The following WWTR1 variants were observed in gnomAD, a reference collection of about 807,000 sequenced individuals.
WWTR1 encodes the protein WW domain-containing transcription regulator protein 1.
WWTR1 carries 13 observed loss-of-function variants against 40.1 expected under a neutral mutation model. The observed-to-expected ratio is 0.32, with a 90% CI of 0.21 to 0.52. The LOEUF (loss-of-function observed/expected upper bound fraction) is 0.52, where lower values mean the gene tolerates loss of function less well. Among genes scored for constraint, WWTR1 ranks in the 20% least tolerant of loss-of-function variants. WWTR1 has a pLI of 0.97. For synonymous variants in WWTR1, 230 were observed against 210.1 expected, an observed-to-expected ratio of 1.09 and a Z score of -0.82; for missense variants, 436 against 523.1, an observed-to-expected ratio of 0.83 and a Z score of 1.63.
At chr3:149,605,246 A>C (rs1041001767) in intron 2 of WWTR1, among the ~76,000 whole-genome samples, 1 of 152,184 alleles carries the variant, frequency 6.6e-6, no homozygotes, top group Admixed American at 6.5e-5. Flanking sequence ...TCTTTTTAGA[A>C]AATCACTTTG....
At chr3:149,654,048 T>C (rs1208574799) in intron 2 of WWTR1, among the ~76,000 whole-genome samples, 1 of 151,916 alleles carries the variant, frequency 6.6e-6, no homozygotes, top group African/African-American at 2.4e-5. Context: ...GGCAGGAGAA[T>C]CACTTGAGTA....
At chr3:149,620,857 C>A (rs937947519) in intron 2 of WWTR1, among the ~76,000 whole-genome samples, 7 of 152,196 alleles carry the variant, frequency 4.6e-5, no homozygotes, top group Non-Finnish European at 7.3e-5. Flanking sequence ...ACACATCAGC[C>A]TTTACACAAG....
At chr3:149,612,537 TA>T (rs958041121) in intron 2 of WWTR1, among the ~76,000 whole-genome samples, 5 of 152,168 alleles carry the variant, frequency 3.3e-5, no homozygotes, top group African/African-American at 1.2e-4. Flanking sequence ...ATGAGTCCCT[TA>T]AAAGCCCCTG....
chr3:149,649,529 T>C (rs1712725707), intron 2 of WWTR1, among the ~76,000 whole-genome samples: 1 of 152,248 alleles, frequency 6.6e-6, no homozygotes. Flanking sequence ...ATCTTTTCCT[T>C]TCTTATTTAT....
At chr3:149,531,464 T>A (rs1735579660) in intron 4 of WWTR1, among the ~76,000 whole-genome samples, 1 of 152,050 alleles carries the variant, frequency 6.6e-6, no homozygotes, top group African/African-American at 2.4e-5. Flanking sequence ...ACACCCTGCA[T>A]AACAGCCCTG....
At chr3:149,724,480 C>T (rs1378097925) in intron 3 of WWTR1, among the ~76,000 whole-genome samples, 34 of 140,844 alleles carry the variant, frequency 2.4e-4, no homozygotes. Context: ...ATACCGTCCA[C>T]CCTACCCCCC....
At chr3:149,682,132 C>T (rs1485219649) in intron 1 of WWTR1, among the ~76,000 whole-genome samples, 1 of 152,112 alleles carries the variant, frequency 6.6e-6, no homozygotes, top group African/African-American at 2.4e-5. Flanking sequence ...GTAGACTGAT[C>T]CACCATCTTC....
chr3:149,643,290 T>C (rs1337487207), intron 2 of WWTR1, among the ~76,000 whole-genome samples: 2 of 152,184 alleles, frequency 1.3e-5, no homozygotes, highest in Non-Finnish European at 2.9e-5. Flanking sequence ...GAACCATAAA[T>C]TTTTTACTGA....
chr3:149,638,835 C>T (rs1711990711), intron 2 of WWTR1, among the ~76,000 whole-genome samples: 1 of 152,190 alleles, frequency 6.6e-6, no homozygotes, highest in Non-Finnish European at 1.5e-5. Context: ...GGGTAAGGCT[C>T]AGCCGGCCGA....
intron 2 of WWTR1, among the ~76,000 whole-genome samples, chr3:149,583,590 A>C (rs1266379849): frequency 6.6e-6 from 1 of 152,218 alleles, no homozygotes; most frequent in Non-Finnish European, 1.5e-5. Flanking sequence ...CTTTGTGTAC[A>C]TTATATTATC....
chr3:149,657,223 G>T lies in WWTR1; in HGVS notation c.84C>A (p.Leu28=). ...TCATGACAGAGTTGAAGAGGGCTTC[G>T]AGGTCTGTGTCTAGGTCCTGCGTGA... is the stretch of plus-strand genomic sequence containing the variant. ...IHVTQDLDTD[L]EALFNSVMNP... is the part of the protein sequence containing the mutation. The change falls in exon 2 of 7, where the codon CTC becomes CTA. Residue 28 remains leucine, a synonymous_variant. Coordinates refer to ENST00000360632, the MANE Select transcript of WWTR1 (RefSeq NM_015472.6). The T allele has an allele frequency of 1.9e-6, 3 of 1,613,080 alleles. No individual in the cohort carries two copies. The highest frequency in any genetic ancestry group is 2.5e-6 in the Non-Finnish European group (3 of 1,179,692).
intron 1 of WWTR1, among the ~76,000 whole-genome samples, chr3:149,678,810 G>A (rs1351229069): frequency 2.0e-5 from 3 of 147,968 alleles, no homozygotes; most frequent in Admixed American, 6.9e-5. Context: ...TTATATTAAC[G>A]TGTTCACAAG....
At chr3:149,710,421 A>G (rs1715445161) in intron 5 of WWTR1, among the ~76,000 whole-genome samples, 1 of 152,118 alleles carries the variant, frequency 6.6e-6, no homozygotes, top group Non-Finnish European at 1.5e-5. Flanking sequence ...TTTGCTATTT[A>G]CCAGTTTTGT....
At chr3:149,698,281 A>C (rs1715056939) in intron 1 of WWTR1, among the ~76,000 whole-genome samples, 3 of 150,928 alleles carry the variant, frequency 2.0e-5, no homozygotes, top group Non-Finnish European at 4.4e-5. Context: ...TTCTCGTGAT[A>C]GTGAGTGAGT....
chr3:149,590,446 T>C (rs1738644146), intron 2 of WWTR1, among the ~76,000 whole-genome samples: 1 of 151,988 alleles, frequency 6.6e-6, no homozygotes, highest in East Asian at 1.9e-4. Context: ...GGTCAGGAGT[T>C]TCAGACAAGC....
Position 149,545,595 on chromosome 3 carries a change from C to T in WWTR1, c.569-3058G>A, listed in dbSNP as rs1040476536. On this transcript the variant is annotated intron_variant, in intron 3 of 6. Coordinates refer to ENST00000360632, the MANE Select transcript of WWTR1 (RefSeq NM_015472.6). ...GGAGTGCAGTGGTGCCATCTTGGCT[C>T]ACTGCAACCTCTGCCTCCCGGTTTC... Among the ~76,000 whole-genome samples the T allele has an allele frequency of 3.3e-5, 5 of 152,296 alleles. No individual in the cohort carries two copies. In the East Asian group the frequency reaches 9.7e-4, roughly 29 times the overall value.
intron 1 of WWTR1, chr3:149,702,310 A>C (rs1715203383): frequency 6.6e-6 from 1 of 152,116 alleles, no homozygotes; most frequent in Non-Finnish European, 1.5e-5. Flanking sequence ...AACAATATGC[A>C]AGTGTTATGA....
rs563658190 is a variant in WWTR1 at position 149,594,950 on chromosome 3, C to CTTTTTTTTTTTTT, written c.432-21963_432-21951dup. Among the ~76,000 whole-genome samples, 24 of 61,772 alleles carry CTTTTTTTTTTTTT rather than the reference C, an allele frequency of 3.9e-4. 4 individuals are homozygous for CTTTTTTTTTTTTT. The highest frequency in any genetic ancestry group is 1.3e-3 in the South Asian group (2 of 1,516). 40.5% of individuals were successfully genotyped at this position (61,772 alleles called of 152,430 possible). A position where few individuals can be genotyped will look rare whatever the true frequency, so the allele number is the denominator to read the frequency against. ...CATATTGCCTATAACCTCTTTTTTA[C>CTTTTTTTTTTTTT]TTTTTTTTTTTTTTTTTTTTTTTTT... On this transcript the variant is annotated intron_variant, in intron 2 of 6. Coordinates refer to ENST00000360632, the MANE Select transcript of WWTR1 (RefSeq NM_015472.6).
intron 3 of WWTR1, among the ~76,000 whole-genome samples, chr3:149,551,624 T>C (rs1232303591): frequency 2.1e-5 from 3 of 145,692 alleles, no homozygotes; most frequent in Non-Finnish European, 3.0e-5. Flanking sequence ...TGACCAATTA[T>C]CCTGGTTTGC....
Sources: allele counts gnomAD v4.1 joint callset (sites outside exome capture counted in the v4.1 genomes callset), GRCh38; gene constraint gnomAD v4.1.1; transcripts MANE v1.5; gene names NCBI Gene and HGNC (gene_info 2026-07-23, HGNC 2026-07-21).